Variants in CDK5RAP2 observed in about 807,000 individuals in gnomAD.
The protein encoded by CDK5RAP2 is CDK5 regulatory subunit-associated protein 2.
A neutral mutation model predicts 232.9 loss-of-function variants in CDK5RAP2; 147 were observed. That is an observed-to-expected ratio of 0.63 (90% confidence interval 0.55 to 0.72). The LOEUF (loss-of-function observed/expected upper bound fraction) is 0.72. Among genes scored for constraint, CDK5RAP2 ranks in the 30% least tolerant of loss-of-function variants. The pLI is 0.00. For synonymous variants in CDK5RAP2, 833 were observed against 833.7 expected (o/e 1.00, Z 0.01); for missense variants, 2,195 against 2,231.5 (o/e 0.98, Z 0.33).
intron 1 of CDK5RAP2, among the ~76,000 whole-genome samples, chr9:120,577,848 T>C (rs1171496214): frequency 6.6e-6 from 1 of 152,136 alleles, no homozygotes; most frequent in Admixed American, 6.6e-5. Flanking sequence ...AAAACCCAAG[T>C]GTCTGGCCAA....
At chr9:120,551,113 T>C (rs1696515843) in intron 3 of CDK5RAP2, among the ~76,000 whole-genome samples, 1 of 152,088 alleles carries the variant, frequency 6.6e-6, no homozygotes, top group Admixed American at 6.6e-5. Flanking sequence ...AGCATTAAAA[T>C]GAATAATGAC....
intron 17 of CDK5RAP2, among the ~76,000 whole-genome samples, chr9:120,469,415 T>C (rs538190612): frequency 7.2e-4 from 109 of 152,362 alleles, no homozygotes; most frequent in African/African-American, 2.5e-3. Flanking sequence ...ATTACTTGTT[T>C]ACATGCCTGT....
At chr9:120,391,643 G>GC (rs990151918) in intron 36 of CDK5RAP2, among the ~76,000 whole-genome samples, 19 of 152,326 alleles carry the variant, frequency 1.2e-4, no homozygotes, top group African/African-American at 4.3e-4. Context: ...TGGCCCCAGG[G>GC]CATCAGGACT....
rs2033138864 is a variant in CDK5RAP2 at position 120,402,793 on chromosome 9, G to A, written c.5307+13C>T. The A allele has an allele frequency of 1.2e-6, 2 of 1,613,524 alleles. No homozygotes were observed. The highest frequency in any genetic ancestry group is 2.2e-5 in the South Asian group (2 of 90,992). On this transcript the variant is annotated intron_variant, in intron 34 of 37. Coordinates refer to ENST00000349780, the MANE Select transcript of CDK5RAP2 (RefSeq NM_018249.6). Reference sequence around the variant, plus strand: ...GGAGCAGCTTGTGCCCCCCAGCTCTGTGGTCAGGTTACCTTTGTTCCCAGC... The same window carrying A: ...GGAGCAGCTTGTGCCCCCCAGCTCTATGGTCAGGTTACCTTTGTTCCCAGC...
chr9:120,551,453 T>C (rs1330761327), intron 3 of CDK5RAP2, among the ~76,000 whole-genome samples: 1 of 152,166 alleles, frequency 6.6e-6, no homozygotes, highest in East Asian at 1.9e-4. Flanking sequence ...ACCAAAAAAA[T>C]TCATCTCTTA....
At chr9:120,538,875 A>G (rs2041506633) in intron 6 of CDK5RAP2, among the ~76,000 whole-genome samples, 166 bp downstream of exon 6, 1 of 152,240 alleles carries the variant, frequency 6.6e-6, no homozygotes. Context: ...GTTATAAATT[A>G]TACATATAAA....
chr9:120,557,634 C>A (rs2132101636), intron 3 of CDK5RAP2, among the ~76,000 whole-genome samples: 1 of 152,148 alleles, frequency 6.6e-6, no homozygotes, highest in East Asian at 1.9e-4. Context: ...TGGCACACAC[C>A]TGTAGTCCCA....
At chr9:120,566,695 A>T (rs1405929284) in intron 3 of CDK5RAP2, among the ~76,000 whole-genome samples, 1 of 152,242 alleles carries the variant, frequency 6.6e-6, no homozygotes, top group East Asian at 1.9e-4. Context: ...GGAAGTACAG[A>T]GAGGTTAAGT....
At chr9:120,503,325 T>G (rs1308861864) in intron 12 of CDK5RAP2, among the ~76,000 whole-genome samples, 1 of 152,186 alleles carries the variant, frequency 6.6e-6, no homozygotes, top group African/African-American at 2.4e-5. Context: ...AAAGAAAGTT[T>G]AAAGCAAAAT....
chr9:120,556,563 G>A (rs1449093977), intron 3 of CDK5RAP2, among the ~76,000 whole-genome samples: 1 of 151,786 alleles, frequency 6.6e-6, no homozygotes, highest in Non-Finnish European at 1.5e-5. Context: ...CAAGTAGCTG[G>A]GATTACAGGT....
At chr9:120,490,189 T>C (rs1195166636) in intron 13 of CDK5RAP2, among the ~76,000 whole-genome samples, 2 of 152,206 alleles carry the variant, frequency 1.3e-5, no homozygotes, top group Admixed American at 1.3e-4. Context: ...GCTCAGCAGC[T>C]CTGAGAGTGT....
chr9:120,504,155 G>A (rs2039703220), intron 12 of CDK5RAP2, among the ~76,000 whole-genome samples: 1 of 152,112 alleles, frequency 6.6e-6, no homozygotes, highest in Non-Finnish European at 1.5e-5. Flanking sequence ...TTAAGGGTTT[G>A]GGGTAGTTGA....
chr9:120,513,951 ATTTAT>A, intron 12 of CDK5RAP2, among the ~76,000 whole-genome samples: 2 of 152,270 alleles, frequency 1.3e-5, no homozygotes, highest in Admixed American at 6.5e-5. Flanking sequence ...CCACCTGTAC[ATTTAT>A]CCTAGCACCA....
intron 20 of CDK5RAP2, 30 bp from the exon 21 acceptor site, chr9:120,453,903 G>C: frequency 1.2e-6 from 2 of 1,611,254 alleles, no homozygotes; most frequent in Non-Finnish European, 1.7e-6. Context: ...GGAAGTGGGA[G>C]AACCAAGCTT....
intron 3 of CDK5RAP2, among the ~76,000 whole-genome samples, chr9:120,562,048 T>C (rs2042481768): frequency 6.6e-6 from 1 of 152,222 alleles, no homozygotes; most frequent in African/African-American, 2.4e-5. Context: ...CAACACACGC[T>C]TGTCAAAAGC....
At chr9:120,536,775 T>A (rs1478235385) in intron 6 of CDK5RAP2, among the ~76,000 whole-genome samples, 1 of 152,126 alleles carries the variant, frequency 6.6e-6, no homozygotes, top group Non-Finnish European at 1.5e-5. Context: ...TATTTTTGGT[T>A]TTGAAAAATC....
intron 12 of CDK5RAP2, among the ~76,000 whole-genome samples, chr9:120,512,820 C>G (rs1363009200): frequency 1.3e-5 from 2 of 152,124 alleles, no homozygotes; most frequent in Admixed American, 1.3e-4. Flanking sequence ...ATGCCCAAAC[C>G]CAGGGCTGGG....
chr9:120,572,672 A>G (rs1034172835), intron 1 of CDK5RAP2, among the ~76,000 whole-genome samples: 3 of 152,202 alleles, frequency 2.0e-5, no homozygotes, highest in South Asian at 2.1e-4. Context: ...GTGTGACACA[A>G]AAGACACTAC....
chr9:120,528,234 A>G (rs2131903553), intron 9 of CDK5RAP2, among the ~76,000 whole-genome samples: 1 of 152,358 alleles, frequency 6.6e-6, no homozygotes, highest in Non-Finnish European at 1.5e-5. Context: ...TTGAAACCAT[A>G]CCAGGTTATT....
Sources: gnomAD v4.1 joint callset for allele counts (sites outside exome capture counted in the v4.1 genomes callset) on GRCh38, gnomAD v4.1.1 for gene constraint, MANE v1.5 for transcripts, NCBI Gene and HGNC (gene_info 2026-07-23, HGNC 2026-07-21) for gene names.